Variants in HDX observed in about 807,000 individuals in gnomAD.
The protein encoded by HDX is chromosome X open reading frame 43.
In HDX, 19 loss-of-function variants were observed where a neutral mutation model predicts 45.2. That is an observed-to-expected ratio of 0.42 (90% CI 0.29 to 0.62). HDX has a LOEUF of 0.62. HDX is among the 20% of genes least tolerant of loss of function. The probability of loss-of-function intolerance (pLI) is 0.20; values close to 1 mark genes in which losing one functional copy is unlikely to be tolerated. For synonymous variants in HDX, 188 were observed against 172.8 expected, an observed-to-expected ratio of 1.09 and a Z score of -0.69; for missense variants, 532 against 493.9, an observed-to-expected ratio of 1.08 and a Z score of -0.73.
At chrX:84,336,570 G>A (rs2036968007) in intron 8 of HDX, among the ~76,000 whole-genome samples, 2 of 111,071 alleles carry the variant, frequency 1.8e-5, no homozygotes, top group Admixed American at 9.6e-5. Context: ...CCAAGTATTG[G>A]GTTTTTATAT....
In HDX at chrX:84,495,364, A is replaced by G. The variant is rs192404117; in HGVS notation, c.-110+6978T>C. Among the ~76,000 whole-genome samples, 98 of 111,599 alleles carry G rather than the reference A, an allele frequency of 8.8e-4. 2 individuals carry two copies. The highest frequency in any genetic ancestry group is 3.0e-3 in the African/African-American group (92 of 30,684). On this transcript the variant is annotated intron_variant, in intron 1 of 10. Transcript: ENST00000373177. Reference sequence around the variant, plus strand: ...TGGATTTTACATGTTTTCACCACAAAATAAGTATGTGAGGTAACTGATTTG... The same window carrying G: ...TGGATTTTACATGTTTTCACCACAAGATAAGTATGTGAGGTAACTGATTTG...
At chrX:84,325,774 G>T (rs2036696404) in intron 10 of HDX, among the ~76,000 whole-genome samples, 1 of 111,637 alleles carries the variant, frequency 9.0e-6, no homozygotes, top group Admixed American at 9.6e-5. Context: ...TGTAGTGGAG[G>T]TTGGCAGGAA....
intron 5 of HDX, among the ~76,000 whole-genome samples, chrX:84,396,188 A>AT (rs1029481190): frequency 1.8e-5 from 2 of 111,871 alleles, no homozygotes; most frequent in African/African-American, 6.5e-5. Flanking sequence ...ATTGCTTCTA[A>AT]TTTTTTTGAA....
chrX:84,343,927 T>C (rs1193463615), intron 7 of HDX, among the ~76,000 whole-genome samples: 1 of 111,057 alleles, frequency 9.0e-6, no homozygotes, highest in Admixed American at 9.6e-5. Flanking sequence ...CCATACTCTT[T>C]CATTACAGTG....
At chrX:84,433,734 T>C (rs2039556259) in intron 5 of HDX, among the ~76,000 whole-genome samples, 1 of 111,530 alleles carries the variant, frequency 9.0e-6, no homozygotes, top group Admixed American at 9.6e-5. Context: ...ATTTCATTGG[T>C]ACTTTGATAA....
At chrX:84,400,326 T>C (rs1245378210) in intron 5 of HDX, among the ~76,000 whole-genome samples, 1 of 109,783 alleles carries the variant, frequency 9.1e-6, no homozygotes, top group Non-Finnish European at 1.9e-5. Context: ...GCCTAAAAAC[T>C]TTTTAAGCTG....
At chrX:84,449,703 T>C (rs1411050022) in intron 4 of HDX, among the ~76,000 whole-genome samples, 2 of 111,895 alleles carry the variant, frequency 1.8e-5, no homozygotes, top group Non-Finnish European at 3.8e-5. Context: ...ACTAGCATCA[T>C]GAAAACACAT....
chrX:84,374,438 G>C (rs991452228), intron 5 of HDX, among the ~76,000 whole-genome samples: 7 of 110,676 alleles, frequency 6.3e-5, no homozygotes, highest in African/African-American at 1.6e-4. Flanking sequence ...CCAAAAAAGA[G>C]CCTGCATAGC....
chrX:84,493,777 G>A (rs1198743200), intron 1 of HDX, among the ~76,000 whole-genome samples: 6 of 111,300 alleles, frequency 5.4e-5, no homozygotes, highest in Admixed American at 2.9e-4. Context: ...GAAAGAATAA[G>A]TACCTAGTAT....
At chrX:84,341,819 C>T (rs1452126930) in intron 7 of HDX, among the ~76,000 whole-genome samples, 1 of 108,887 alleles carries the variant, frequency 9.2e-6, no homozygotes, top group East Asian at 2.9e-4. Context: ...AAGCTTCAAA[C>T]TCCCAACTTC....
chrX:84,414,049 TC>T (rs2039047878), intron 5 of HDX, among the ~76,000 whole-genome samples: 1 of 111,671 alleles, frequency 9.0e-6, no homozygotes, highest in African/African-American at 3.3e-5. Flanking sequence ...AGACTTGTAG[TC>T]CTTTTGGAAA....
intron 2 of HDX, among the ~76,000 whole-genome samples, chrX:84,476,283 G>A (rs1356979030): frequency 1.8e-5 from 2 of 110,830 alleles, no homozygotes; most frequent in Non-Finnish European, 3.8e-5. Context: ...TCAATTTTGG[G>A]TTCTTGTTAA....
intron 4 of HDX, among the ~76,000 whole-genome samples, chrX:84,449,891 G>A (rs1181079185): frequency 2.7e-5 from 3 of 110,663 alleles, no homozygotes; most frequent in Non-Finnish European, 3.8e-5. Flanking sequence ...CTCACTCACA[G>A]GTGGGAATTG....
chrX:84,463,513 G>A (rs1602503588), intron 4 of HDX, among the ~76,000 whole-genome samples: 1 of 111,382 alleles, frequency 9.0e-6, no homozygotes, highest in East Asian at 2.8e-4. Context: ...TCACCAAAGT[G>A]CTTTACTTCT....
chrX:84,345,355 T>G (rs917084429), intron 6 of HDX, among the ~76,000 whole-genome samples: 1 of 111,507 alleles, frequency 9.0e-6, no homozygotes, highest in African/African-American at 3.3e-5. Flanking sequence ...ATAACTGTGC[T>G]TTTTCAAGAA....
At chrX:84,415,076 C>G (rs188969617) in intron 5 of HDX, among the ~76,000 whole-genome samples, 1 of 111,991 alleles carries the variant, frequency 8.9e-6, no homozygotes, top group East Asian at 2.8e-4. Context: ...ATTTTCATTT[C>G]AAGAGTGGCA....
At chrX:84,390,268 A>G (rs1465150198) in intron 5 of HDX, among the ~76,000 whole-genome samples, 1 of 111,428 alleles carries the variant, frequency 9.0e-6, no homozygotes, top group East Asian at 2.8e-4. Flanking sequence ...CTAGTTTTAA[A>G]GTATACAGTT....
At chrX:84,411,730 G>C (rs2038990406) in intron 5 of HDX, among the ~76,000 whole-genome samples, 1 of 110,891 alleles carries the variant, frequency 9.0e-6, no homozygotes, top group African/African-American at 3.3e-5. Flanking sequence ...TTAGTTTTTG[G>C]CCTCAACAAT....
At chrX:84,396,843 G>A (rs1393502913) in intron 5 of HDX, among the ~76,000 whole-genome samples, 1 of 111,158 alleles carries the variant, frequency 9.0e-6, no homozygotes, top group African/African-American at 3.3e-5. Context: ...TCTGGCATGA[G>A]GGGGTGAAGC....
Sources: gnomAD v4.1 joint callset for allele counts (sites outside exome capture counted in the v4.1 genomes callset) on GRCh38, gnomAD v4.1.1 for gene constraint, MANE v1.5 for transcripts, NCBI Gene and HGNC (gene_info 2026-07-23, HGNC 2026-07-21) for gene names.